Variants in MATN2 observed in about 807,000 individuals in gnomAD.
MATN2 encodes the protein matrilin-2.
MATN2 carries 69 observed loss-of-function variants against 103.2 expected under a neutral mutation model. That is an observed-to-expected ratio of 0.67 (90% CI 0.55 to 0.82). The LOEUF (loss-of-function observed/expected upper bound fraction) is 0.82. Among genes scored for constraint, MATN2 ranks in the 40% least tolerant of loss-of-function variants. MATN2 has a pLI of 0.00. For synonymous variants in MATN2, 429 were observed against 450.2 expected, an observed-to-expected ratio of 0.95 and a Z score of 0.60; for missense variants, 1,023 against 1,211.5, an observed-to-expected ratio of 0.84 and a Z score of 2.31.
chr8:97,954,240 T>G (rs1471599930), intron 4 of MATN2, among the ~76,000 whole-genome samples: 1 of 152,210 alleles, frequency 6.6e-6, no homozygotes, highest in Non-Finnish European at 1.5e-5. Flanking sequence ...TTCATCATTT[T>G]TCATGTCACC....
intron 4 of MATN2, among the ~76,000 whole-genome samples, chr8:97,945,356 A>C (rs1330450010): frequency 2.0e-5 from 3 of 152,124 alleles, no homozygotes; most frequent in Non-Finnish European, 4.4e-5. Flanking sequence ...AAAAGTTTAG[A>C]CGATTTACCC....
At chr8:98,020,398 G>C (rs1045283164) in intron 12 of MATN2, among the ~76,000 whole-genome samples, 1 of 152,086 alleles carries the variant, frequency 6.6e-6, no homozygotes, top group Non-Finnish European at 1.5e-5. Context: ...TGCCTGCCTC[G>C]GCCTCCCAAA....
intron 2 of MATN2, among the ~76,000 whole-genome samples, chr8:97,902,669 G>A (rs2130036747): frequency 6.6e-6 from 1 of 152,086 alleles, no homozygotes; most frequent in South Asian, 2.1e-4. Flanking sequence ...GGGTTTCTCC[G>A]ATAACACCTG....
At chr8:98,021,093 G>A (rs1813573282) in intron 12 of MATN2, 112 bp from the exon 13 acceptor site, 2 of 995,422 alleles carry the variant, frequency 2.0e-6, no homozygotes, top group Non-Finnish European at 2.9e-6. Context: ...GGTTTGAAGA[G>A]AGGTGTATTT....
chr8:98,035,687 T>C lies in MATN2; in HGVS notation c.2846T>C (p.Leu949Pro). 6.3e-7 allele frequency: 1 copy of C among 1,596,742 alleles called. No individual in the cohort carries two copies. The change falls in exon 19 of 19, where the codon CTG (leucine) becomes CCG (proline). Residue 949 changes from leucine (L) to proline (P), a missense_variant. Physicochemically the swap from Leu to Pro is moderately conservative, Grantham distance 98. Coordinates refer to ENST00000254898, the MANE Select transcript of MATN2 (RefSeq NM_002380.5). ...LEEMTQRMEA[L>P]ENRLRYR ...GAAATGACACAGAGAATGGAAGCCC[T>C]GGAAAATCGCCTGAGATACAGATGA...
chr8:97,918,081 C>T (rs543710928), intron 2 of MATN2, among the ~76,000 whole-genome samples: 1 of 151,574 alleles, frequency 6.6e-6, no homozygotes, highest in Non-Finnish European at 1.5e-5. Context: ...TGTTTGAGAC[C>T]CAGTCTCAAA....
At chr8:97,882,564 G>A (rs1382015756) in intron 1 of MATN2, among the ~76,000 whole-genome samples, 18 of 151,650 alleles carry the variant, frequency 1.2e-4, no homozygotes, top group Non-Finnish European at 2.9e-5. Context: ...CACCATGTCT[G>A]GCTAATTTTT....
chr8:97,911,806 G>C (rs1305319387), intron 2 of MATN2, among the ~76,000 whole-genome samples: 1 of 152,198 alleles, frequency 6.6e-6, no homozygotes, highest in Non-Finnish European at 1.5e-5. Flanking sequence ...CCAGTCTGGT[G>C]CTTTCTCTGC....
At chr8:98,032,401 A>ACATACTTACATTCAC in intron 16 of MATN2, 84 bp downstream of exon 16, 1 of 997,642 alleles carries the variant, frequency 1.0e-6, no homozygotes, top group Non-Finnish European at 1.5e-6. Flanking sequence ...AAAGAAGTGA[A>ACATACTTACATTCAC]TGTAAGTATG....
At position 98,005,880 on chromosome 8, in the gene MATN2, G is replaced by A. The variant is rs1812950344; in HGVS notation, c.1328-1225G>A. ...GATTAACAAATGGCAACACTAGGAT[G>A]TGAACACAGGCATGTAGCTCCCAAG... On this transcript the variant is annotated intron_variant, in intron 8 of 18. Transcript: ENST00000254898. This position sits in a 1 kb window ranked among gnomAD's most constrained non-coding sequence, Gnocchi z 4.6. Among the ~76,000 whole-genome samples the A allele has an allele frequency of 6.6e-6, 1 of 152,230 alleles. No homozygotes were observed. The highest frequency in any genetic ancestry group is 6.5e-5 in the Admixed American group (1 of 15,290).
Position 97,978,915 on chromosome 8 carries a change from G to A in MATN2, c.988G>A (p.Gly330Arg), listed in dbSNP as rs374391695. ...AVDYCASENH[G>R]CEHECVNADG... ...GGACTACTGTGCCTCAGAAAACCAC[G>A]GATGTGAACATGAGTGTGTAAATGC... The change falls in exon 6 of 19, where the codon GGA becomes AGA. Residue 330 changes from glycine to arginine, a missense_variant. Gly to Arg is a moderately radical substitution (Grantham distance 125). Transcript: ENST00000254898. 4.4e-5 allele frequency: 71 copies of A among 1,613,634 alleles called. No homozygotes were observed. Among genetic ancestry groups the A allele is most frequent in the South Asian group, 1.1e-4 (10 of 91,086 alleles).
intron 6 of MATN2, among the ~76,000 whole-genome samples, chr8:97,979,378 C>T (rs1261217801): frequency 6.6e-6 from 1 of 152,204 alleles, no homozygotes; most frequent in Non-Finnish European, 1.5e-5. Flanking sequence ...GGCTTTAGCT[C>T]TGACTCCACG....
rs779956871 is a variant in MATN2 at position 98,018,152 on chromosome 8, C to G, written c.1819+36C>G. On this transcript the variant is annotated intron_variant, in intron 12 of 18. Transcript: ENST00000254898. ...TCGAGGTGGAGAAGAACTTTTCCCTCTGTGGACTCAGACAGTTAGAGAAGT... is the reference window on the plus strand; with the variant it reads ...TCGAGGTGGAGAAGAACTTTTCCCTGTGTGGACTCAGACAGTTAGAGAAGT... The G allele has an allele frequency of 2.7e-5, 43 of 1,611,882 alleles. 2 individuals carry two copies. The highest frequency in any genetic ancestry group is 3.3e-4 in the Middle Eastern group (2 of 6,072).
chr8:97,871,803 T>A (rs902343544), intron 1 of MATN2, among the ~76,000 whole-genome samples: 1 of 152,212 alleles, frequency 6.6e-6, no homozygotes, highest in African/African-American at 2.4e-5. Flanking sequence ...TCAGATGGAA[T>A]GGCAGGGCTG....
At chr8:97,939,850 T>C (rs533942821) in intron 3 of MATN2, among the ~76,000 whole-genome samples, 1 of 152,340 alleles carries the variant, frequency 6.6e-6, no homozygotes, top group South Asian at 2.1e-4. Context: ...TCTCTGAAAC[T>C]GGGGTGCATT....
chr8:97,948,264 C>T (rs1328492556), intron 4 of MATN2, among the ~76,000 whole-genome samples: 1 of 152,080 alleles, frequency 6.6e-6, no homozygotes, highest in Non-Finnish European at 1.5e-5. Context: ...AATTTTTTGC[C>T]ACTCTGTGTA....
chr8:98,004,509 A>C (rs1006148857), intron 8 of MATN2, among the ~76,000 whole-genome samples: 11 of 152,230 alleles, frequency 7.2e-5, no homozygotes, highest in African/African-American at 2.7e-4. Flanking sequence ...GACAAAAAGC[A>C]AAACTAATAG....
Position 98,018,135 on chromosome 8 carries a change from GAGA to G in MATN2, c.1819+24_1819+26del, listed in dbSNP as rs753964400. 2.5e-6 allele frequency: 4 copies of G among 1,612,990 alleles called. No individual in the cohort carries two copies. The highest frequency in any genetic ancestry group is 1.1e-5 in the South Asian group (1 of 91,008). On this transcript the variant is annotated intron_variant, in intron 12 of 18. Coordinates refer to ENST00000254898, the MANE Select transcript of MATN2 (RefSeq NM_002380.5). ...TGCCGAAGTAAGTAGCCTCGAGGTGGAGAAGAACTTTTCCCTCTGTGGACTCAG... is the reference window on the plus strand; with the variant it reads ...TGCCGAAGTAAGTAGCCTCGAGGTGGAGAACTTTTCCCTCTGTGGACTCAG...
rs117402497 is a variant in MATN2 at position 97,936,223 on chromosome 8, C to T, written c.712+4701C>T. Among the ~76,000 whole-genome samples, 691 of 152,268 alleles carry T rather than the reference C, an allele frequency of 4.5e-3. 4 individuals are homozygous for T. The highest frequency in any genetic ancestry group is 7.3e-3 in the Non-Finnish European group (495 of 68,026). ...AAACATGGAATCTATGGGCTGAAAACGCTGTCCCCAGTGTTCTGGTGATTC... is the reference window on the plus strand; with the variant it reads ...AAACATGGAATCTATGGGCTGAAAATGCTGTCCCCAGTGTTCTGGTGATTC... On this transcript the variant is annotated intron_variant, in intron 3 of 18. Transcript: ENST00000254898.
Sources: allele counts gnomAD v4.1 joint callset (sites outside exome capture counted in the v4.1 genomes callset), GRCh38; gene constraint gnomAD v4.1.1; non-coding constraint Gnocchi (gnomAD v3.1); transcripts MANE v1.5; gene names NCBI Gene and HGNC (gene_info 2026-07-23, HGNC 2026-07-21).